Variants in LRRC51 observed in about 807,000 individuals in gnomAD.
LRRC51 encodes leucine-rich repeat-containing protein 51.
Under a neutral mutation model 17.8 loss-of-function variants are expected in LRRC51, and 8 were observed. The ratio of observed to expected loss-of-function variants is 0.45; its 90% confidence interval spans 0.26 to 0.81. The LOEUF (loss-of-function observed/expected upper bound fraction) is 0.81, where lower values mean the gene tolerates loss of function less well. Ranked by LOEUF, LRRC51 falls within the 30% of genes least tolerant of loss-of-function variation. The probability of loss-of-function intolerance (pLI) is 0.17; values close to 1 mark genes in which losing one functional copy is unlikely to be tolerated. For synonymous variants in LRRC51, 92 were observed against 96.0 expected (o/e 0.96, Z 0.24); for missense variants, 233 against 239.3 (o/e 0.97, Z 0.17).
chr11:72,091,022 G>C (rs1316671714), intron 3 of LRRC51, among the ~76,000 whole-genome samples: 1 of 152,150 alleles, frequency 6.6e-6, no homozygotes, highest in Non-Finnish European at 1.5e-5. Context: ...TCTGAACAAG[G>C]AACTTTACAG....
chr11:72,094,458 A>G lies in LRRC51; in HGVS notation c.289-490A>G, dbSNP rs1945052029. On this transcript the variant is annotated intron_variant, in intron 4 of 5. Transcript: ENST00000289488. The stretch of plus-strand genomic sequence containing the variant: ...CTTACTTTCTGTGAACTCAGATTCA[A>G]GTTTTAAGAAATAAAGTTTGGCCTT... The G allele has an allele frequency of 7.4e-6, 4 of 540,190 alleles. No individual in the cohort carries two copies. The East Asian group carries it at 9.3e-5, about 13-fold the overall frequency. The allele number at this position is 540,190 out of a possible 1,614,324, so 33.5% of individuals were successfully genotyped here. A position where few individuals can be genotyped will look rare whatever the true frequency, so the allele number is the denominator to read the frequency against.
Position 72,096,508 on chromosome 11 carries a change from G to T in LRRC51, c.*988G>T, listed in dbSNP as rs1464130147. 3 of 1,244,938 alleles carry T rather than the reference G, an allele frequency of 2.4e-6. No individual in the cohort carries two copies. The highest frequency in any genetic ancestry group is 3.0e-6 in the Non-Finnish European group (3 of 990,846). The allele number at this position is 1,244,938 out of a possible 1,614,324, so 77.1% of individuals were successfully genotyped here. A position where few individuals can be genotyped will look rare whatever the true frequency, so the allele number is the denominator to read the frequency against. ...CCACCTCAGCCTCCCAAAGTGCTAG[G>T]ATTACAGGATAAGCCACTGCACCTG... is the stretch of plus-strand genomic sequence containing the variant. On this transcript the variant is annotated 3_prime_UTR_variant, in exon 6 of 6. Coordinates refer to ENST00000289488, the MANE Select transcript of LRRC51 (RefSeq NM_145309.6).
chr11:72,095,192 C>A, intron 5 of LRRC51, 96 bp downstream of exon 5: 1 of 1,568,250 alleles, frequency 6.4e-7, no homozygotes, highest in South Asian at 1.2e-5. Context: ...TTCTGCCATG[C>A]TTGGACCTGG....
chr11:72,088,959 G>A, intron 2 of LRRC51, 70 bp from the exon 3 acceptor site: 1 of 1,571,886 alleles, frequency 6.4e-7, no homozygotes, highest in East Asian at 2.3e-5. Context: ...ACAGAAAGCA[G>A]GGATGGAGGA....
chr11:72,091,510 G>A (rs1339857883), intron 3 of LRRC51, among the ~76,000 whole-genome samples: 1 of 152,112 alleles, frequency 6.6e-6, no homozygotes, highest in African/African-American at 2.4e-5. Context: ...TTCCAGTAGA[G>A]AGCAGAAGAG....
At chr11:72,094,760 G>A (rs1267425794) in intron 4 of LRRC51, 188 bp from the exon 5 acceptor site, 1 of 1,114,392 alleles carries the variant, frequency 9.0e-7, no homozygotes, top group Non-Finnish European at 1.3e-6. Context: ...CTCCTTTTCA[G>A]TGTGATGCCC....
At chr11:72,088,230 G>A (rs1402579242) in intron 1 of LRRC51, 67 bp from the exon 2 acceptor site, 5 of 593,982 alleles carry the variant, frequency 8.4e-6, no homozygotes, top group South Asian at 4.2e-5. Context: ...AATTGGAAAC[G>A]ATCTGATAAG....
At chr11:72,087,256 G>A (rs1165151751) in intron 1 of LRRC51, among the ~76,000 whole-genome samples, 1 of 149,504 alleles carries the variant, frequency 6.7e-6, no homozygotes, top group East Asian at 2.0e-4. Flanking sequence ...TGAATTATAA[G>A]ATATCAGGTC....
intron 1 of LRRC51, 85 bp from the exon 2 acceptor site, chr11:72,088,212 A>T: frequency 1.7e-6 from 1 of 591,206 alleles, no homozygotes; most frequent in Non-Finnish European, 3.0e-6. Flanking sequence ...GCTTTACTTT[A>T]GCTAACAAAT....
chr11:72,094,290 A>C (rs1000033997), intron 4 of LRRC51: 7 of 190,558 alleles, frequency 3.7e-5, no homozygotes, highest in Non-Finnish European at 6.6e-5. Context: ...GTCTCAAAAA[A>C]AAAAAAAAAG....
Position 72,095,427 on chromosome 11 carries a change from T to G in LRRC51, c.486T>G (p.Ser162Arg), listed in dbSNP as rs148344989. 8.5e-5 allele frequency: 137 copies of G among 1,614,056 alleles called. 1 individual carries two copies. The African/African-American group carries it at 1.4e-3, about 17-fold the overall frequency. The change falls in exon 6 of 6, where the codon AGT (serine) becomes AGG (arginine). Residue 162 changes from serine (S) to arginine (R), a missense_variant. Transcript: ENST00000289488. ...TLSRITTFDFSGVTKADRTTA... is the reference protein window; with the variant it reads ...TLSRITTFDFRGVTKADRTTA... ...CCCGTATCACCACGTTCGACTTCAG[T>G]GGGGTCACCAAAGCAGACCGCACCA...
chr11:72,081,767 C>T (rs1057279942), intron 1 of LRRC51, among the ~76,000 whole-genome samples: 3 of 152,034 alleles, frequency 2.0e-5, no homozygotes, highest in Admixed American at 6.6e-5. Context: ...CTCCGTGGTC[C>T]GCTACTCAAA....
intron 1 of LRRC51, among the ~76,000 whole-genome samples, chr11:72,081,591 C>T (rs1294571349): frequency 6.6e-6 from 1 of 152,200 alleles, no homozygotes; most frequent in Non-Finnish European, 1.5e-5. Context: ...CTGAGACCCT[C>T]TTCCAAGACA....
chr11:72,095,373 C>T lies in LRRC51; in HGVS notation c.438-6C>T, dbSNP rs1407309428. On this transcript the variant is annotated splice_region_variant and splice_polypyrimidine_tract_variant and intron_variant, in intron 5 of 5. Coordinates refer to ENST00000289488, the MANE Select transcript of LRRC51 (RefSeq NM_145309.6). ...TGCTGGCCCCCAGCCTAAGTCTTCC[C>T]CACAGGCAATATGTGCTGTGCACCC... 1.3e-5 allele frequency: 21 copies of T among 1,613,846 alleles called. No homozygotes were observed. The highest frequency in any genetic ancestry group is 2.7e-5 in the African/African-American group (2 of 74,918).
chr11:72,089,451 G>A, intron 3 of LRRC51: 2 of 1,347,234 alleles, frequency 1.5e-6, no homozygotes, highest in Non-Finnish European at 1.9e-6. Context: ...TATCACAGTA[G>A]TTGATCATCT....
rs145488053 is a variant in LRRC51, at chr11:72,095,006, G to A, written c.347G>A (p.Arg116His). Residue 116 changes from arginine (R) to histidine (H), a missense_variant, in exon 5 of 6, where the codon CGC becomes CAC. Coordinates refer to ENST00000289488, the MANE Select transcript of LRRC51 (RefSeq NM_145309.6). ...TATCTTCACGGCAACAGCATCCAGC[G>A]CCTGGGGGAGGTGAATAAGCTGGCT... ...VLYLHGNSIQ[R>H]LGEVNKLAVL... The A allele has an allele frequency of 3.3e-5, 54 of 1,613,884 alleles. No homozygotes were observed. Among genetic ancestry groups the A allele is most frequent in the Non-Finnish European group, 4.2e-5 (49 of 1,180,010 alleles).
intron 1 of LRRC51, among the ~76,000 whole-genome samples, chr11:72,084,778 A>C (rs1944427069): frequency 6.9e-6 from 1 of 145,484 alleles, no homozygotes. Flanking sequence ...CAGAGGTTGC[A>C]GTGAGCTGAG....
rs571455842 is a variant in LRRC51 at position 72,096,677 on chromosome 11, A to G, written c.*1157A>G. 5.0e-5 allele frequency: 78 copies of G among 1,546,926 alleles called. No homozygotes were observed. The Middle Eastern group carries it at 6.7e-4, about 13-fold the overall frequency. On this transcript the variant is annotated 3_prime_UTR_variant, in exon 6 of 6. Transcript: ENST00000289488. The stretch of plus-strand genomic sequence containing the variant: ...GGCCCCTTTGTACTTTTCAGCTTAG[A>G]GATTTGGGGGTTAAAGTAGATCAGT...
chr11:72,084,663 T>C (rs636946), intron 1 of LRRC51, among the ~76,000 whole-genome samples: 134,657 of 151,930 alleles, frequency 0.89, 59,959 homozygotes, highest in Non-Finnish European at 0.95. Context: ...ATGGCAAAAC[T>C]GTGTCTCTAC....
Sources: gnomAD v4.1 joint callset for allele counts (sites outside exome capture counted in the v4.1 genomes callset) on GRCh38, gnomAD v4.1.1 for gene constraint, MANE v1.5 for transcripts, NCBI Gene and HGNC (gene_info 2026-07-23, HGNC 2026-07-21) for gene names.